Variants in ST8SIA5 observed in about 807,000 individuals in gnomAD.
The protein encoded by ST8SIA5 is ST8 alpha-N-acetyl-neuraminide alpha-2,8-sialyltransferase 5, also known as alpha-2,8-sialyltransferase 8E.
A neutral mutation model predicts 40.2 loss-of-function variants in ST8SIA5; 24 were observed. The ratio of observed to expected loss-of-function variants is 0.60; its 90% CI spans 0.43 to 0.84. The LOEUF is 0.84. ST8SIA5 is among the 40% of genes least tolerant of loss of function. ST8SIA5 has a pLI of 0.00. For synonymous variants in ST8SIA5, 198 were observed against 201.8 expected (o/e 0.98, Z 0.16); for missense variants, 465 against 498.5 (o/e 0.93, Z 0.64).
chr18:46,756,976 C>T lies in ST8SIA5; in HGVS notation c.-468G>A. 1 of 159,902 alleles carries T rather than the reference C, an allele frequency of 6.3e-6. No homozygotes were observed. Among genetic ancestry groups the T allele is most frequent in the Non-Finnish European group, 1.4e-5 (1 of 73,860 alleles). The allele number at this position is 159,902 out of a possible 1,614,324, so 9.9% of individuals were successfully genotyped here. A position where few individuals can be genotyped will look rare whatever the true frequency, so the allele number is the denominator to read the frequency against. ...GATCGCGGTTGCCCAGCGCGCTGTG[C>T]CCTGCCGGGGGCGGGCCACGTTTGA... On this transcript the variant is annotated 5_prime_UTR_variant, in exon 1 of 7. Transcript: ENST00000315087.
intron 2 of ST8SIA5, among the ~76,000 whole-genome samples, chr18:46,693,730 C>T (rs1371647754): frequency 6.6e-6 from 1 of 152,028 alleles, no homozygotes; most frequent in Non-Finnish European, 1.5e-5. Flanking sequence ...ATACAAATTC[C>T]CACAAACACT....
intron 2 of ST8SIA5, among the ~76,000 whole-genome samples, chr18:46,697,791 GAGA>G (rs1333439538): frequency 6.6e-6 from 1 of 152,102 alleles, no homozygotes; most frequent in South Asian, 2.1e-4. Flanking sequence ...GAGAGAAATG[GAGA>G]AGAAGGAATA....
intron 1 of ST8SIA5, among the ~76,000 whole-genome samples, chr18:46,711,385 G>T (rs1395677081): frequency 6.6e-6 from 1 of 152,176 alleles, no homozygotes; most frequent in African/African-American, 2.4e-5. Context: ...AAGAGGTAAA[G>T]TAACTTGCCC....
intron 1 of ST8SIA5, among the ~76,000 whole-genome samples, chr18:46,706,431 C>T (rs1339929496): frequency 9.5e-6 from 1 of 104,862 alleles, no homozygotes; most frequent in Non-Finnish European, 2.4e-5. Context: ...CTGGGCTACC[C>T]CTGCTCACTG....
At position 46,736,413 on chromosome 18, in the gene ST8SIA5, G is replaced by A. The variant is rs75044378; in HGVS notation, c.131+19965C>T. ...AGCACCTCACCAGCAGAAGTGCACC[G>A]GGTGGGGGTAGGGGCACATAGATGT... On this transcript the variant is annotated intron_variant, in intron 1 of 6. Coordinates refer to ENST00000315087, the MANE Select transcript of ST8SIA5 (RefSeq NM_013305.6). Among the ~76,000 whole-genome samples, 519 of 152,338 alleles carry A rather than the reference G, an allele frequency of 3.4e-3. 2 individuals carry two copies. The highest frequency in any genetic ancestry group is 5.6e-3 in the Non-Finnish European group (380 of 68,030).
chr18:46,670,011 G>T lies in ST8SIA5; in HGVS notation c.*10031C>A, dbSNP rs111560648. The T allele has an allele frequency of 6.6e-6, 1 of 151,666 alleles. No homozygotes were observed. The highest frequency in any genetic ancestry group is 1.5e-5 in the Non-Finnish European group (1 of 67,996). 9.4% of individuals were successfully genotyped at this position (151,666 alleles called of 1,614,324 possible). A position where few individuals can be genotyped will look rare whatever the true frequency, so the allele number is the denominator to read the frequency against. Reference sequence around the variant, plus strand: ...TTGAACCTGGGAGGCGGAGGTTGCCGTGAGCCGAGATCATGCCACTGCACT... The same window carrying T: ...TTGAACCTGGGAGGCGGAGGTTGCCTTGAGCCGAGATCATGCCACTGCACT... On this transcript the variant is annotated 3_prime_UTR_variant, in exon 7 of 7. Transcript: ENST00000315087.
At chr18:46,732,019 G>A (rs374170445) in intron 1 of ST8SIA5, among the ~76,000 whole-genome samples, 27 of 152,326 alleles carry the variant, frequency 1.8e-4, no homozygotes, top group Non-Finnish European at 3.5e-4. Context: ...CAAGTTGTGG[G>A]AAGACAGGCC....
chr18:46,701,596 C>T (rs1035384230), intron 2 of ST8SIA5, among the ~76,000 whole-genome samples: 7 of 152,146 alleles, frequency 4.6e-5, no homozygotes, highest in African/African-American at 1.4e-4. Flanking sequence ...CATTGGCAGG[C>T]CAAGGAGAGA....
At chr18:46,718,119 A>C (rs1000791605) in intron 1 of ST8SIA5, among the ~76,000 whole-genome samples, 4 of 152,196 alleles carry the variant, frequency 2.6e-5, no homozygotes, top group Admixed American at 6.5e-5. Flanking sequence ...ACTTGAGGTC[A>C]GGAGTTCAAG....
At chr18:46,751,829 C>A (rs2040198212) in intron 1 of ST8SIA5, among the ~76,000 whole-genome samples, 1 of 152,164 alleles carries the variant, frequency 6.6e-6, no homozygotes, top group Non-Finnish European at 1.5e-5. Context: ...ATAACATATG[C>A]CATACTGTGC....
At chr18:46,731,810 T>C (rs1242484077) in intron 1 of ST8SIA5, 1 of 152,216 alleles carries the variant, frequency 6.6e-6, no homozygotes, top group Non-Finnish European at 1.5e-5. Flanking sequence ...AGCTCCTCTA[T>C]GCTCTTCTTG....
chr18:46,726,451 C>A (rs1386669578), intron 1 of ST8SIA5, among the ~76,000 whole-genome samples: 1 of 151,896 alleles, frequency 6.6e-6, no homozygotes, highest in Non-Finnish European at 1.5e-5. Flanking sequence ...AGTGCTGTAA[C>A]TGGTTTTTTA....
At chr18:46,687,207 A>G (rs750843660) in intron 4 of ST8SIA5, among the ~76,000 whole-genome samples, 2 of 152,240 alleles carry the variant, frequency 1.3e-5, no homozygotes, top group Non-Finnish European at 1.5e-5. Context: ...CTATTTTGTG[A>G]TACATGAAAA....
chr18:46,742,371 T>C (rs965821578), intron 1 of ST8SIA5, among the ~76,000 whole-genome samples: 4 of 152,020 alleles, frequency 2.6e-5, no homozygotes, highest in Non-Finnish European at 4.4e-5. Context: ...ATTTTTGTGA[T>C]GTTGGATTAG....
intron 1 of ST8SIA5, among the ~76,000 whole-genome samples, chr18:46,753,466 C>T (rs2040213598): frequency 6.6e-6 from 1 of 151,778 alleles, no homozygotes; most frequent in South Asian, 2.1e-4. Flanking sequence ...CAGCTACTTG[C>T]CAAGGCTGAG....
intron 2 of ST8SIA5, among the ~76,000 whole-genome samples, chr18:46,701,656 C>T (rs2039617940): frequency 6.6e-6 from 1 of 152,136 alleles, no homozygotes; most frequent in South Asian, 2.1e-4. Flanking sequence ...GACCCCTGGC[C>T]TCCAGAATTG....
intron 2 of ST8SIA5, among the ~76,000 whole-genome samples, chr18:46,695,010 T>G (rs1347956373): frequency 6.6e-6 from 1 of 151,830 alleles, no homozygotes; most frequent in Non-Finnish European, 1.5e-5. Context: ...AATACAAAAA[T>G]TAGCCGGGCA....
chr18:46,742,444 G>A (rs1393018901), intron 1 of ST8SIA5, among the ~76,000 whole-genome samples: 1 of 151,086 alleles, frequency 6.6e-6, no homozygotes, highest in Admixed American at 6.6e-5. Context: ...AAAAATAGCA[G>A]AATTGGACTT....
In ST8SIA5 at chr18:46,756,357, C is replaced by T. The variant is rs748087997; in HGVS notation, c.131+21G>A. The T allele has an allele frequency of 3.1e-6, 5 of 1,608,544 alleles. No homozygotes were observed. The South Asian group carries it at 5.5e-5, about 18-fold the overall frequency. On this transcript the variant is annotated intron_variant, in intron 1 of 6. Transcript: ENST00000315087. ...CGCCGGCCGGCTCCGCGCATCCCGCCCTCTCAATGGACTTTCTTACCTCTT... is the reference window on the plus strand; with the variant it reads ...CGCCGGCCGGCTCCGCGCATCCCGCTCTCTCAATGGACTTTCTTACCTCTT...
Sources: allele counts gnomAD v4.1 joint callset (sites outside exome capture counted in the v4.1 genomes callset), GRCh38; gene constraint gnomAD v4.1.1; transcripts MANE v1.5; gene names NCBI Gene and HGNC (gene_info 2026-07-23, HGNC 2026-07-21).